The following RBFOX1 variants were observed in gnomAD, a reference collection of about 807,000 sequenced individuals.
The protein encoded by RBFOX1 is RNA binding fox-1 homolog 1.
In RBFOX1, 8 loss-of-function variants were observed where a neutral mutation model predicts 57.7. The ratio of observed to expected loss-of-function variants is 0.14; its 90% CI spans 0.08 to 0.25. The LOEUF (loss-of-function observed/expected upper bound fraction) is 0.25, where lower values mean the gene tolerates loss of function less well. Ranked by LOEUF, RBFOX1 falls within the 10% of genes least tolerant of loss-of-function variation. The probability of loss-of-function intolerance (pLI) is 1.00; values close to 1 mark genes in which losing one functional copy is unlikely to be tolerated. For synonymous variants in RBFOX1, 326 were observed against 222.4 expected (o/e 1.47, Z -4.15); for missense variants, 611 against 548.5 (o/e 1.11, Z -1.14).
At chr16:7,168,966 G>T (rs976871287) in intron 4 of RBFOX1, among the ~76,000 whole-genome samples, 5 of 152,238 alleles carry the variant, frequency 3.3e-5, no homozygotes, top group African/African-American at 1.2e-4. Context: ...ACTCCATGGG[G>T]AATAATTCTG....
chr16:6,651,163 G>C (rs1271882817), intron 2 of RBFOX1, among the ~76,000 whole-genome samples: 2 of 152,026 alleles, frequency 1.3e-5, no homozygotes, highest in Non-Finnish European at 2.9e-5. Context: ...CAGTCTCCCA[G>C]AGTGCTGGGA....
chr16:7,646,852 G>T (rs1178309757), intron 11 of RBFOX1, among the ~76,000 whole-genome samples: 1 of 151,956 alleles, frequency 6.6e-6, no homozygotes, highest in Non-Finnish European at 1.5e-5. Flanking sequence ...GTTTATTTTC[G>T]AAGGTAAGCA....
intron 3 of RBFOX1, among the ~76,000 whole-genome samples, chr16:6,735,849 A>G (rs1467888903): frequency 3.3e-5 from 5 of 152,200 alleles, no homozygotes; most frequent in African/African-American, 1.2e-4. Context: ...CATTGGTTAC[A>G]TAATTCACAG....
intron 1 of RBFOX1, among the ~76,000 whole-genome samples, chr16:5,286,964 A>G (rs2063410609): frequency 6.6e-6 from 1 of 152,184 alleles, no homozygotes; most frequent in African/African-American, 2.4e-5. Context: ...AACTTTTTCT[A>G]AAGAAAAAGA....
At chr16:6,077,202 C>A (rs1007687195) in intron 1 of RBFOX1, among the ~76,000 whole-genome samples, 3 of 152,150 alleles carry the variant, frequency 2.0e-5, no homozygotes, top group Admixed American at 1.3e-4. Flanking sequence ...TGCATTTCAG[C>A]CCCTGCCACG....
intron 3 of RBFOX1, among the ~76,000 whole-genome samples, chr16:6,796,324 C>G (rs539586002): frequency 2.0e-5 from 3 of 152,244 alleles, no homozygotes; most frequent in Non-Finnish European, 2.9e-5. Flanking sequence ...AGTTACAATT[C>G]AAGACGACAT....
chr16:5,906,942 G>A (rs2058473554), intron 4 of RBFOX1, among the ~76,000 whole-genome samples: 1 of 151,612 alleles, frequency 6.6e-6, no homozygotes, highest in South Asian at 2.1e-4. Flanking sequence ...TCAACATGTT[G>A]GTCAGGCTGG....
chr16:6,256,011 A>C (rs975518237), intron 1 of RBFOX1, among the ~76,000 whole-genome samples: 1 of 151,072 alleles, frequency 6.6e-6, no homozygotes, highest in African/African-American at 2.4e-5. Context: ...TATCTATGTA[A>C]CCTGCACATT....
At chr16:5,430,142 G>A (rs943335242) in intron 1 of RBFOX1, among the ~76,000 whole-genome samples, 6 of 152,144 alleles carry the variant, frequency 3.9e-5, no homozygotes, top group Non-Finnish European at 7.3e-5. Flanking sequence ...CAGGGAGAAG[G>A]GAAGCAGGAA....
At chr16:5,591,574 T>G (rs1425463844) in intron 2 of RBFOX1, among the ~76,000 whole-genome samples, 1 of 152,172 alleles carries the variant, frequency 6.6e-6, no homozygotes, top group African/African-American at 2.4e-5. Context: ...TTAAAAAATA[T>G]CAGTTTCTTC....
chr16:6,858,873 C>T (rs1034866540), intron 3 of RBFOX1, among the ~76,000 whole-genome samples: 6 of 151,796 alleles, frequency 4.0e-5, no homozygotes, highest in African/African-American at 1.5e-4. Context: ...GTAGCTATTT[C>T]TGAAGCTCAG....
chr16:7,625,601 G>C (rs562371680), intron 10 of RBFOX1, among the ~76,000 whole-genome samples: 2 of 151,992 alleles, frequency 1.3e-5, no homozygotes, highest in East Asian at 1.9e-4. Flanking sequence ...TTTAATCTTC[G>C]AGCTCTTGAA....
At chr16:6,931,464 G>A (rs2076550591) in intron 3 of RBFOX1, among the ~76,000 whole-genome samples, 1 of 151,934 alleles carries the variant, frequency 6.6e-6, no homozygotes, top group South Asian at 2.1e-4. Flanking sequence ...ATCTCTGCAG[G>A]GTATAATCCC....
intron 4 of RBFOX1, among the ~76,000 whole-genome samples, chr16:7,385,030 A>T (rs2097852985): frequency 1.3e-5 from 2 of 152,236 alleles, no homozygotes; most frequent in Admixed American, 1.3e-4. Flanking sequence ...AGAACATTCC[A>T]GGAAAATACC....
At chr16:5,902,268 C>T (rs764996199) in intron 4 of RBFOX1, among the ~76,000 whole-genome samples, 2 of 152,164 alleles carry the variant, frequency 1.3e-5, no homozygotes, top group African/African-American at 2.4e-5. Flanking sequence ...AGAAATTCTG[C>T]ACCCTAGCCT....
At chr16:7,593,689 G>T (rs1057465138) in intron 7 of RBFOX1, among the ~76,000 whole-genome samples, 1 of 151,908 alleles carries the variant, frequency 6.6e-6, no homozygotes, top group African/African-American at 2.4e-5. Flanking sequence ...CCAACCAAAG[G>T]CAGTATTCCC....
intron 1 of RBFOX1, among the ~76,000 whole-genome samples, chr16:6,307,262 C>A (rs1482152656): frequency 1.3e-5 from 2 of 152,014 alleles, no homozygotes; most frequent in African/African-American, 4.8e-5. Flanking sequence ...GGATAGTAAT[C>A]ATTATTGCCG....
At chr16:6,495,819 C>T (rs142440215) in intron 2 of RBFOX1, among the ~76,000 whole-genome samples, 2 of 152,216 alleles carry the variant, frequency 1.3e-5, no homozygotes, top group Non-Finnish European at 2.9e-5. Context: ...ACTCCTTCTT[C>T]CCACCTATTG....
intron 3 of RBFOX1, among the ~76,000 whole-genome samples, chr16:6,835,043 A>C (rs11865610): frequency 0.52 from 79,248 of 151,698 alleles, 22,332 homozygotes; most frequent in East Asian, 0.87. Flanking sequence ...TAGGCGCCCA[A>C]CACCATGCCC....
Sources: gnomAD v4.1 joint callset for allele counts (sites outside exome capture counted in the v4.1 genomes callset) on GRCh38, gnomAD v4.1.1 for gene constraint, MANE v1.5 for transcripts, NCBI Gene and HGNC (gene_info 2026-07-23, HGNC 2026-07-21) for gene names.